Variants in CSMD1 observed in about 807,000 individuals in gnomAD.
CSMD1 encodes CUB and Sushi multiple domains 1, also known as CUB and sushi domain-containing protein 1.
A neutral mutation model predicts 417.5 loss-of-function variants in CSMD1; 213 were observed. That is an observed-to-expected ratio of 0.51 (90% CI 0.46 to 0.57). The LOEUF is 0.57. Among genes scored for constraint, CSMD1 ranks in the 20% least tolerant of loss-of-function variants. The probability of loss-of-function intolerance (pLI) is 0.00; values close to 1 mark genes in which losing one functional copy is unlikely to be tolerated. For synonymous variants in CSMD1, 2,862 were observed against 1,736.8 expected (o/e 1.65, Z -16.11); for missense variants, 6,923 against 4,529.7 (o/e 1.53, Z -15.17).
chr8:2,981,091 AGCTGCAACTATGT>A (rs1805375445), intron 54 of CSMD1, among the ~76,000 whole-genome samples: 2 of 152,242 alleles, frequency 1.3e-5, no homozygotes, highest in African/African-American at 4.8e-5. Flanking sequence ...TAGGAGATAC[AGCTGCAACTATGT>A]GCTGGAGGAA....
chr8:3,294,192 G>C (rs972437130), intron 25 of CSMD1, among the ~76,000 whole-genome samples: 3 of 152,000 alleles, frequency 2.0e-5, no homozygotes, highest in Admixed American at 2.0e-4. Context: ...TGGAAGTTTT[G>C]TCTCAGAGTA....
intron 1 of CSMD1, among the ~76,000 whole-genome samples, chr8:4,915,891 T>C (rs1394318803): frequency 6.6e-6 from 1 of 152,212 alleles, no homozygotes; most frequent in South Asian, 2.1e-4. Context: ...AAGCCATAAG[T>C]GCCAGGCAGG....
chr8:4,019,115 G>T (rs927927011), intron 4 of CSMD1, among the ~76,000 whole-genome samples: 1 of 152,084 alleles, frequency 6.6e-6, no homozygotes, highest in African/African-American at 2.4e-5. Flanking sequence ...ACATATTTTT[G>T]TACTAGGCCA....
chr8:3,186,077 C>T (rs55889106), intron 36 of CSMD1, among the ~76,000 whole-genome samples: 20,674 of 150,592 alleles, frequency 0.14, 1,777 homozygotes, highest in Admixed American at 0.21. Context: ...TCCTGTAACA[C>T]CCATCACCTA....
At chr8:4,501,234 G>T (rs970965094) in intron 2 of CSMD1, among the ~76,000 whole-genome samples, 1 of 152,042 alleles carries the variant, frequency 6.6e-6, no homozygotes, top group East Asian at 1.9e-4. Context: ...TGCTGGGCCA[G>T]AGATAGAATT....
intron 1 of CSMD1, among the ~76,000 whole-genome samples, chr8:4,795,178 G>T (rs947888774): frequency 6.8e-6 from 1 of 147,942 alleles, no homozygotes; most frequent in East Asian, 2.1e-4. Flanking sequence ...CACATTTTTA[G>T]GTGAAAAGAC....
intron 3 of CSMD1, among the ~76,000 whole-genome samples, chr8:4,196,631 G>C (rs529836414): frequency 1.7e-4 from 26 of 152,100 alleles, no homozygotes; most frequent in African/African-American, 6.0e-4. Flanking sequence ...AGCAATGCTG[G>C]GTCCAGTCCT....
intron 7 of CSMD1, among the ~76,000 whole-genome samples, chr8:3,686,121 GA>G (rs201729455): frequency 4.0e-5 from 6 of 149,636 alleles, no homozygotes; most frequent in Admixed American, 1.3e-4. Flanking sequence ...TTATCAAAAA[GA>G]AAAAAAAACT....
At chr8:4,968,536 C>T (rs1030229878) in intron 1 of CSMD1, among the ~76,000 whole-genome samples, 1 of 152,020 alleles carries the variant, frequency 6.6e-6, no homozygotes, top group Non-Finnish European at 1.5e-5. Context: ...CTACTAAAAA[C>T]CAATTAATAT....
chr8:4,854,670 C>T (rs376487411), intron 1 of CSMD1, among the ~76,000 whole-genome samples: 9 of 151,696 alleles, frequency 5.9e-5, no homozygotes, highest in South Asian at 4.2e-4. Context: ...CCTGGAAAAT[C>T]GGGTCACTCC....
intron 3 of CSMD1, among the ~76,000 whole-genome samples, chr8:4,300,052 C>T (rs1797896593): frequency 6.6e-6 from 1 of 152,218 alleles, no homozygotes. Context: ...AGAGGAAGAA[C>T]TTCTCATACA....
At chr8:4,447,751 T>C (rs1798898372) in intron 2 of CSMD1, among the ~76,000 whole-genome samples, 1 of 151,318 alleles carries the variant, frequency 6.6e-6, no homozygotes, top group Non-Finnish European at 1.5e-5. Flanking sequence ...GATTTAAGAC[T>C]CTTTTGCAGT....
chr8:3,188,888 T>A lies in CSMD1; in HGVS notation c.5522A>T (p.Gln1841Leu). 6.4e-7 allele frequency: 1 copy of A among 1,561,620 alleles called. No individual in the cohort carries two copies. Among genetic ancestry groups the A allele is most frequent in the Non-Finnish European group, 8.7e-7 (1 of 1,152,648 alleles). ...AGACTGTGGACTTCAAGGACTCACC[T>A]GAATTCCCGAGCCCTCCGTAACTAT... Reference protein sequence around the residue: ...KIIVTEGSGIQIQVISFATEQ... With the variant: ...KIIVTEGSGILIQVISFATEQ... Residue 1841 changes from glutamine to leucine, a missense_variant and splice_region_variant, in exon 35 of 70, where the codon CAG (glutamine) becomes CTG (leucine). By Grantham distance (113) the Gln-to-Leu change is moderately radical. Transcript: ENST00000635120.
intron 6 of CSMD1, among the ~76,000 whole-genome samples, chr8:3,728,632 C>T (rs540739218): frequency 6.6e-6 from 1 of 152,286 alleles, no homozygotes; most frequent in East Asian, 1.9e-4. Context: ...GACCACCATC[C>T]TGGAGCAGTC....
At chr8:4,603,664 G>T (rs569542241) in intron 2 of CSMD1, among the ~76,000 whole-genome samples, 1 of 151,998 alleles carries the variant, frequency 6.6e-6, no homozygotes, top group African/African-American at 2.4e-5. Context: ...AAATGACGTG[G>T]GTTTCTGTCA....
intron 5 of CSMD1, among the ~76,000 whole-genome samples, chr8:3,929,084 A>C (rs1411075780): frequency 6.6e-6 from 1 of 150,478 alleles, no homozygotes; most frequent in Non-Finnish European, 1.5e-5. Context: ...CACAGAGAAT[A>C]AAGAAAGACT....
chr8:3,886,011 G>A (rs561119083), intron 5 of CSMD1, among the ~76,000 whole-genome samples: 62 of 151,696 alleles, frequency 4.1e-4, no homozygotes, highest in African/African-American at 1.3e-3. Flanking sequence ...ACATATATAT[G>A]TGTACATATA....
At chr8:4,073,508 G>C (rs1020983429) in intron 3 of CSMD1, among the ~76,000 whole-genome samples, 1 of 152,106 alleles carries the variant, frequency 6.6e-6, no homozygotes, top group Non-Finnish European at 1.5e-5. Flanking sequence ...TATTCTTTCA[G>C]AGGACCTGGG....
intron 5 of CSMD1, among the ~76,000 whole-genome samples, chr8:3,823,519 T>A (rs1219369149): frequency 6.6e-6 from 1 of 152,156 alleles, no homozygotes; most frequent in East Asian, 1.9e-4. Context: ...AAATAACATT[T>A]TGTTATAAAA....
Sources: allele counts gnomAD v4.1 joint callset (sites outside exome capture counted in the v4.1 genomes callset), GRCh38; gene constraint gnomAD v4.1.1; transcripts MANE v1.5; gene names NCBI Gene and HGNC (gene_info 2026-07-23, HGNC 2026-07-21).